The following LRRC4C variants were observed in gnomAD, a reference collection of about 807,000 sequenced individuals.
LRRC4C encodes leucine-rich repeat-containing protein 4C.
A neutral mutation model predicts 33.6 loss-of-function variants in LRRC4C; 5 were observed. That is an observed-to-expected ratio of 0.15 (90% CI 0.08 to 0.31). The LOEUF (loss-of-function observed/expected upper bound fraction) is 0.31, where lower values mean the gene tolerates loss of function less well. LRRC4C is among the 10% of genes least tolerant of loss of function. The probability of loss-of-function intolerance (pLI) is 1.00; values close to 1 mark genes in which losing one functional copy is unlikely to be tolerated. For missense variants in LRRC4C, 560 were observed against 796.7 expected (o/e 0.70, Z 3.58); for synonymous variants, 329 against 302.0 (o/e 1.09, Z -0.93).
chr11:41,427,824 A>C (rs974725810), intron 1 of LRRC4C, among the ~76,000 whole-genome samples: 1 of 152,114 alleles, frequency 6.6e-6, no homozygotes, highest in African/African-American at 2.4e-5. Context: ...AAAAGAAGTG[A>C]AAATGGCTGG....
In LRRC4C at chr11:41,262,650, T is replaced by C. The variant is rs866888471; in HGVS notation, c.-496+196781A>G. 2.6e-5 allele frequency among the ~76,000 whole-genome samples: 4 copies of C among 152,290 alleles called. No homozygotes were observed. In the South Asian group the frequency reaches 8.3e-4, roughly 32 times the overall value. ...CTTCAAATCAAGCAAAGCAAGTCCTTATTTTTTATTTTATTTTAGATATTC... is the reference window on the plus strand; with the variant it reads ...CTTCAAATCAAGCAAAGCAAGTCCTCATTTTTTATTTTATTTTAGATATTC... On this transcript the variant is annotated intron_variant, in intron 1 of 6. Coordinates refer to ENST00000528697, the MANE Select transcript of LRRC4C (RefSeq NM_001258419.2).
chr11:41,404,513 CACACAG>C, intron 1 of LRRC4C, among the ~76,000 whole-genome samples: 1 of 126,648 alleles, frequency 7.9e-6, no homozygotes, highest in South Asian at 2.7e-4. Context: ...CACAGACACA[CACACAG>C]ACACAAAGAC....
intron 6 of LRRC4C, among the ~76,000 whole-genome samples, chr11:40,118,632 A>T (rs1211382090): frequency 6.6e-6 from 1 of 152,164 alleles, no homozygotes; most frequent in African/African-American, 2.4e-5. Context: ...CAGAGGGATC[A>T]GCTGAACCAA....
intron 2 of LRRC4C, among the ~76,000 whole-genome samples, chr11:40,816,630 A>C (rs1299395302): frequency 1.3e-5 from 2 of 152,158 alleles, no homozygotes; most frequent in Non-Finnish European, 2.9e-5. Context: ...AGCATCATTT[A>C]GCATTATACT....
chr11:40,603,645 GA>G (rs1456704517), intron 3 of LRRC4C, among the ~76,000 whole-genome samples: 6 of 152,276 alleles, frequency 3.9e-5, no homozygotes, highest in Non-Finnish European at 8.8e-5. Flanking sequence ...GTATAATGTA[GA>G]AAAGGCTTCT....
intron 3 of LRRC4C, among the ~76,000 whole-genome samples, chr11:40,644,892 T>C (rs780574298): frequency 1.3e-5 from 2 of 151,890 alleles, no homozygotes; most frequent in Non-Finnish European, 2.9e-5. Context: ...CTATGTAGTT[T>C]TGCAAGATAT....
At chr11:40,456,164 C>T (rs1952122380) in intron 3 of LRRC4C, among the ~76,000 whole-genome samples, 2 of 152,118 alleles carry the variant, frequency 1.3e-5, no homozygotes, top group African/African-American at 4.8e-5. Context: ...CGTATCAGTC[C>T]TCTTTAGCTC....
intron 3 of LRRC4C, among the ~76,000 whole-genome samples, chr11:40,570,933 C>T (rs1226161348): frequency 6.6e-6 from 1 of 151,914 alleles, no homozygotes; most frequent in Non-Finnish European, 1.5e-5. Flanking sequence ...CAAGAAAAAA[C>T]TTTGGATATG....
chr11:40,828,006 T>C (rs570364216), intron 2 of LRRC4C, among the ~76,000 whole-genome samples: 2 of 151,886 alleles, frequency 1.3e-5, no homozygotes, highest in South Asian at 4.1e-4. Context: ...TTCTACATGG[T>C]TAGAAGTCTA....
intron 1 of LRRC4C, among the ~76,000 whole-genome samples, chr11:41,110,192 G>A (rs1044372231): frequency 2.6e-5 from 4 of 151,784 alleles, no homozygotes; most frequent in African/African-American, 7.3e-5. Flanking sequence ...GGTGACTTAC[G>A]GCTTATTCTT....
chr11:40,565,928 G>T (rs975492353), intron 3 of LRRC4C, among the ~76,000 whole-genome samples: 1 of 151,896 alleles, frequency 6.6e-6, no homozygotes, highest in African/African-American at 2.4e-5. Context: ...TAATATTTTA[G>T]ATATACCCAA....
At chr11:40,547,061 T>G (rs1254522317) in intron 3 of LRRC4C, among the ~76,000 whole-genome samples, 2 of 152,164 alleles carry the variant, frequency 1.3e-5, no homozygotes, top group Non-Finnish European at 2.9e-5. Context: ...CTTAACGTAG[T>G]GTTCTTAAAG....
intron 3 of LRRC4C, among the ~76,000 whole-genome samples, chr11:40,435,128 G>T (rs772104122): frequency 2.0e-5 from 3 of 152,124 alleles, no homozygotes; most frequent in African/African-American, 4.8e-5. Context: ...ACCATATGTT[G>T]CAACAAAATG....
chr11:41,265,308 C>G (rs186406895), intron 1 of LRRC4C, among the ~76,000 whole-genome samples: 1 of 152,002 alleles, frequency 6.6e-6, no homozygotes, highest in Non-Finnish European at 1.5e-5. Context: ...ATTAAAGGTA[C>G]GTTAGAGTAA....
intron 3 of LRRC4C, among the ~76,000 whole-genome samples, chr11:40,354,222 G>C (rs2137109548): frequency 6.6e-6 from 1 of 152,252 alleles, no homozygotes; most frequent in Non-Finnish European, 1.5e-5. Context: ...AATAGAATCT[G>C]TCTCTCCATG....
chr11:40,756,392 T>G (rs906378570), intron 2 of LRRC4C, among the ~76,000 whole-genome samples: 1 of 152,122 alleles, frequency 6.6e-6, no homozygotes, highest in Non-Finnish European at 1.5e-5. Flanking sequence ...TGGTAAACCT[T>G]GTGTTTAATT....
chr11:41,433,776 T>C (rs2017068), intron 1 of LRRC4C, among the ~76,000 whole-genome samples: 15,987 of 151,918 alleles, frequency 0.11, 1,135 homozygotes, highest in Non-Finnish European at 0.15. Context: ...TGTGAGTTAA[T>C]ACTTATTAAT....
intron 1 of LRRC4C, among the ~76,000 whole-genome samples, chr11:41,161,107 C>A (rs533254628): frequency 1.3e-5 from 2 of 152,166 alleles, no homozygotes; most frequent in African/African-American, 4.8e-5. Flanking sequence ...TCAAGAAAAA[C>A]AAATGCCCAT....
At chr11:41,370,573 G>A (rs1952709190) in intron 1 of LRRC4C, among the ~76,000 whole-genome samples, 1 of 152,084 alleles carries the variant, frequency 6.6e-6, no homozygotes, top group Admixed American at 6.6e-5. Context: ...CATGTAAGAA[G>A]CGCCTTTCTC....
Sources: gnomAD v4.1 joint callset for allele counts (sites outside exome capture counted in the v4.1 genomes callset) on GRCh38, gnomAD v4.1.1 for gene constraint, MANE v1.5 for transcripts, NCBI Gene and HGNC (gene_info 2026-07-23, HGNC 2026-07-21) for gene names.